Variants in SLC14A2 observed in about 807,000 individuals in gnomAD.
SLC14A2 encodes the protein urea transporter 2.
Under a neutral mutation model 104.6 loss-of-function variants are expected in SLC14A2, and 91 were observed. That is an observed-to-expected ratio of 0.87 (90% CI 0.73 to 1.04). SLC14A2 has a LOEUF of 1.04. SLC14A2 is among the 50% of genes least tolerant of loss of function. The pLI, the probability that SLC14A2 is intolerant of heterozygous loss-of-function variation, is 0.00. For synonymous variants in SLC14A2, 476 were observed against 466.4 expected (o/e 1.02, Z -0.27); for missense variants, 1,189 against 1,156.0 (o/e 1.03, Z -0.41).
intron 1 of SLC14A2, among the ~76,000 whole-genome samples, chr18:45,405,758 G>T (rs974561914): frequency 4.6e-5 from 7 of 152,038 alleles, no homozygotes; most frequent in Admixed American, 3.3e-4. Flanking sequence ...AATTAGCTGG[G>T]CATTGTGGCA....
chr18:45,508,837 G>T (rs2144782654), intron 2 of SLC14A2, among the ~76,000 whole-genome samples: 1 of 152,292 alleles, frequency 6.6e-6, no homozygotes, highest in South Asian at 2.1e-4. Context: ...CTACTCCAGG[G>T]AATTAACAAA....
intron 1 of SLC14A2, among the ~76,000 whole-genome samples, chr18:45,274,160 G>C (rs1401333068): frequency 2.6e-5 from 4 of 152,114 alleles, no homozygotes; most frequent in Non-Finnish European, 4.4e-5. Context: ...TTCTGTTAGT[G>C]TGTGGGGGTA....
chr18:45,272,550 T>C (rs1345893020), intron 1 of SLC14A2, among the ~76,000 whole-genome samples: 1 of 151,994 alleles, frequency 6.6e-6, no homozygotes, highest in African/African-American at 2.4e-5. Context: ...TTTTTAGTAG[T>C]AGTACCCTTC....
intron 2 of SLC14A2, among the ~76,000 whole-genome samples, chr18:45,565,579 A>G (rs957796637): frequency 2.6e-5 from 4 of 152,226 alleles, no homozygotes; most frequent in African/African-American, 9.6e-5. Context: ...CATGAGGACG[A>G]TGAGGCTCAG....
In SLC14A2 at chr18:45,643,988, G is replaced by C; in HGVS notation, c.1179G>C (p.Val393=). The part of the protein sequence containing the change: ...EAAISNIMSV[V]GVPPGTWAFC... Reference sequence around the variant, plus strand: ...GTCCCCAATGCTTTTGTTTCCAGGTGGGCGTGCCACCAGGCACCTGGGCCT... The same window carrying C: ...GTCCCCAATGCTTTTGTTTCCAGGTCGGCGTGCCACCAGGCACCTGGGCCT... Residue 393 remains valine (V), a splice_region_variant and synonymous_variant, in exon 10 of 20, where the codon GTG becomes GTC. Transcript: ENST00000255226. 1 of 1,613,718 alleles carries C rather than the reference G, an allele frequency of 6.2e-7. No homozygotes were observed. The highest frequency in any genetic ancestry group is 8.5e-7 in the Non-Finnish European group (1 of 1,179,710).
intron 1 of SLC14A2, among the ~76,000 whole-genome samples, chr18:45,357,414 T>C (rs7239060): frequency 0.47 from 71,741 of 151,526 alleles, 20,730 homozygotes; most frequent in African/African-American, 0.82. Context: ...AGTTCAAGAC[T>C]AGCCTGGACA....
intron 11 of SLC14A2, among the ~76,000 whole-genome samples, 164 bp downstream of exon 11, chr18:45,664,071 G>A (rs778507936): frequency 7.9e-5 from 12 of 152,144 alleles, no homozygotes; most frequent in South Asian, 2.1e-4. Context: ...CCCCGAATGC[G>A]TCTGGATGCC....
chr18:45,605,987 T>A (rs1364106063), intron 2 of SLC14A2, among the ~76,000 whole-genome samples: 1 of 152,138 alleles, frequency 6.6e-6, no homozygotes, highest in African/African-American at 2.4e-5. Flanking sequence ...AATAACACAT[T>A]TCCCACTGAC....
intron 1 of SLC14A2, among the ~76,000 whole-genome samples, chr18:45,385,178 C>T (rs1370218662): frequency 6.6e-6 from 1 of 152,208 alleles, no homozygotes; most frequent in East Asian, 1.9e-4. Context: ...GCTCTAATCA[C>T]CAGCATCCAA....
At chr18:45,392,254 A>G (rs1000834903) in intron 1 of SLC14A2, among the ~76,000 whole-genome samples, 3 of 152,038 alleles carry the variant, frequency 2.0e-5, no homozygotes, top group African/African-American at 7.2e-5. Context: ...CCCAACACAC[A>G]TGCTTCTCCC....
rs186772677 is a variant in SLC14A2, at chr18:45,532,019, G to A, written c.-35+48697G>A. 8.5e-3 allele frequency among the ~76,000 whole-genome samples: 1,300 copies of A among 152,118 alleles called. 15 individuals are homozygous for A. The highest frequency in any genetic ancestry group is 0.028 in the African/African-American group (1,152 of 41,486). The stretch of plus-strand genomic sequence containing the variant: ...AAAGATCAGATAGTTGTAGATATGC[G>A]GCATTATTTCTGAGGTCTCTGTTCT... On this transcript the variant is annotated intron_variant, in intron 2 of 20. Coordinates refer to the SLC14A2 transcript ENST00000586448.
At chr18:45,496,497 G>T (rs2043100299) in intron 2 of SLC14A2, among the ~76,000 whole-genome samples, 1 of 152,210 alleles carries the variant, frequency 6.6e-6, no homozygotes, top group South Asian at 2.1e-4. Flanking sequence ...TTGGCTGGGT[G>T]CAGTGGCTCA....
At chr18:45,390,993 G>T (rs12957073) in intron 1 of SLC14A2, among the ~76,000 whole-genome samples, 2,670 of 152,188 alleles carry the variant, frequency 0.018, 48 homozygotes, top group Middle Eastern at 0.027. Flanking sequence ...GTTTGTTACA[G>T]ATGTATACAT....
At chr18:45,311,235 G>C (rs890235182) in intron 1 of SLC14A2, among the ~76,000 whole-genome samples, 7 of 152,218 alleles carry the variant, frequency 4.6e-5, no homozygotes, top group Admixed American at 6.5e-5. Flanking sequence ...CTGTGGTAGG[G>C]AGCTTTGAAT....
At chr18:45,628,761 G>A (rs934055857) in intron 4 of SLC14A2, among the ~76,000 whole-genome samples, 3 of 152,168 alleles carry the variant, frequency 2.0e-5, no homozygotes, top group African/African-American at 4.8e-5. Context: ...TGGAATTTTT[G>A]TTTCATTTAT....
intron 10 of SLC14A2, among the ~76,000 whole-genome samples, chr18:45,657,653 AGAGAG>A (rs1164569502): frequency 6.6e-6 from 1 of 152,200 alleles, no homozygotes; most frequent in African/African-American, 2.4e-5. Flanking sequence ...CTACAAGATA[AGAGAG>A]AAGAGACACC....
At chr18:45,378,602 C>G (rs148361511) in intron 1 of SLC14A2, among the ~76,000 whole-genome samples, 1 of 152,276 alleles carries the variant, frequency 6.6e-6, no homozygotes, top group East Asian at 1.9e-4. Flanking sequence ...TGCTAACACT[C>G]CATAAGACTT....
At chr18:45,293,986 G>A (rs973426185) in intron 1 of SLC14A2, among the ~76,000 whole-genome samples, 1 of 151,960 alleles carries the variant, frequency 6.6e-6, no homozygotes, top group Non-Finnish European at 1.5e-5. Context: ...AATTTAAACA[G>A]AATTTAAAGA....
chr18:45,289,610 A>G (rs1057012107), intron 1 of SLC14A2, among the ~76,000 whole-genome samples: 8 of 152,138 alleles, frequency 5.3e-5, no homozygotes, highest in Admixed American at 4.6e-4. Context: ...AATTTCTGGA[A>G]TAAAATATAT....
Sources: gnomAD v4.1 joint callset for allele counts (sites outside exome capture counted in the v4.1 genomes callset) on GRCh38, gnomAD v4.1.1 for gene constraint, MANE v1.5 for transcripts, NCBI Gene and HGNC (gene_info 2026-07-23, HGNC 2026-07-21) for gene names.